Variants in ALOX5 observed in about 807,000 individuals in gnomAD.
The protein encoded by ALOX5 is polyunsaturated fatty acid 5-lipoxygenase.
In ALOX5, 64 loss-of-function variants were observed where a neutral mutation model predicts 87.9. The observed-to-expected ratio is 0.73, with a 90% CI of 0.60 to 0.90. The LOEUF (loss-of-function observed/expected upper bound fraction) is 0.90, where lower values mean the gene tolerates loss of function less well. Among genes scored for constraint, ALOX5 ranks in the 40% least tolerant of loss-of-function variants. ALOX5 has a pLI of 0.00. For missense variants in ALOX5, 822 were observed against 907.5 expected, an observed-to-expected ratio of 0.91 and a Z score of 1.21; for synonymous variants, 388 against 355.1, an observed-to-expected ratio of 1.09 and a Z score of -1.04.
intron 2 of ALOX5, among the ~76,000 whole-genome samples, chr10:45,394,550 G>A (rs1419302192): frequency 6.6e-6 from 1 of 152,166 alleles, no homozygotes; most frequent in African/African-American, 2.4e-5. Context: ...CATGGGCAAG[G>A]ACTTCATGTC....
At chr10:45,376,351 T>TGGGGGGGGGGGGGGGGGGGGGGGG (rs1839613765) in intron 1 of ALOX5, among the ~76,000 whole-genome samples, 1 of 81,240 alleles carries the variant, frequency 1.2e-5, no homozygotes. Flanking sequence ...TGGTTGGGGG[T>TGGGGGGGGGGGGGGGGGGGGGGGG]GGGGGCTACC....
intron 2 of ALOX5, 31 bp downstream of exon 2, chr10:45,382,712 C>G: frequency 6.3e-7 from 1 of 1,593,812 alleles, no homozygotes; most frequent in Non-Finnish European, 8.5e-7. Flanking sequence ...CTGCCCCGGG[C>G]TTCCCAAGAA....
intron 3 of ALOX5, among the ~76,000 whole-genome samples, chr10:45,405,739 CTTT>C (rs11463810): frequency 7.9e-5 from 11 of 139,364 alleles, no homozygotes; most frequent in Non-Finnish European, 6.2e-5. Flanking sequence ...ATTCATCTAC[CTTT>C]TTTTTTTTTT....
In ALOX5 at chr10:45,382,493, A is replaced by T; in HGVS notation, c.161A>T (p.Tyr54Phe). 6.2e-7 allele frequency: 1 copy of T among 1,614,166 alleles called. No homozygotes were observed. The highest frequency in any genetic ancestry group is 8.5e-7 in the Non-Finnish European group (1 of 1,180,028). ...TGTTCTCCTTCCCAGGTGGATTCAT[A>T]CGACGTGACTGTGGACGAGGAACTG... ...NDFERGAVDS[Y>F]DVTVDEELGE... The change falls in exon 2 of 14, where the codon TAC becomes TTC. Residue 54 changes from tyrosine to phenylalanine, a missense_variant. By Grantham distance (22) the Tyr-to-Phe change is conservative. Transcript: ENST00000374391.
chr10:45,441,589 C>T (rs185051896), intron 9 of ALOX5, 159 bp downstream of exon 9: 7 of 666,788 alleles, frequency 1.0e-5, no homozygotes, highest in Middle Eastern at 6.1e-4. Flanking sequence ...GTCTCCAGCC[C>T]GTGCCATTCA....
chr10:45,412,118 G>A (rs1841084884), intron 3 of ALOX5, 73 bp from the exon 4 acceptor site: 1 of 1,592,382 alleles, frequency 6.3e-7, no homozygotes, highest in Admixed American at 1.7e-5. Context: ...CTGACAGTGT[G>A]GGCGGCCCTC....
chr10:45,381,381 CTTA>C lies in ALOX5; in HGVS notation c.151-1097_151-1095del, dbSNP rs533567072. Among the ~76,000 whole-genome samples the C allele has an allele frequency of 3.0e-3, 454 of 152,356 alleles. 2 individuals are homozygous for C. The highest frequency in any genetic ancestry group is 5.0e-3 in the Non-Finnish European group (341 of 68,026). ...ATCTAAGCCTCACCATTTTCACTCACTTATTATCCCCACTGAAAACTGGAAAGA... is the reference window on the plus strand; with the variant it reads ...ATCTAAGCCTCACCATTTTCACTCACTTATCCCCACTGAAAACTGGAAAGA... On this transcript the variant is annotated intron_variant, in intron 1 of 13. Coordinates refer to ENST00000374391, the MANE Select transcript of ALOX5 (RefSeq NM_000698.5).
intron 1 of ALOX5, 23 bp downstream of exon 1, chr10:45,374,452 T>TGGGGCGCGGGC (rs1389764780): frequency 6.6e-7 from 1 of 1,519,354 alleles, no homozygotes; most frequent in African/African-American, 1.5e-5. Flanking sequence ...GGGGCACGGG[T>TGGGGCGCGGGC]GGAGCGCGGG....
intron 3 of ALOX5, among the ~76,000 whole-genome samples, chr10:45,396,252 T>C (rs17444064): frequency 0.12 from 17,901 of 152,258 alleles, 1,480 homozygotes; most frequent in Non-Finnish European, 0.17. Flanking sequence ...TGTCTTCTTA[T>C]AACAATTCAA....
intron 2 of ALOX5, among the ~76,000 whole-genome samples, chr10:45,393,654 A>T (rs1013828979): frequency 1.4e-4 from 22 of 152,222 alleles, no homozygotes; most frequent in African/African-American, 5.3e-4. Flanking sequence ...GGAAAAGAGG[A>T]AGTCAAATTG....
intron 7 of ALOX5, among the ~76,000 whole-genome samples, chr10:45,431,297 T>C (rs1196807224): frequency 1.3e-5 from 2 of 152,176 alleles, no homozygotes; most frequent in African/African-American, 4.8e-5. Context: ...AACATTATTT[T>C]AGAGGTCATA....
rs140758891 is a variant in ALOX5 at position 45,425,038 on chromosome 10, G to C, written c.740G>C (p.Arg247Pro). 3 of 1,613,516 alleles carry C rather than the reference G, an allele frequency of 1.9e-6. No homozygotes were observed. Among genetic ancestry groups the C allele is most frequent in the East Asian group, 2.2e-5 (1 of 44,846 alleles). ...FLNGCNPVLI[R>P]RCTELPEKLP... The stretch of plus-strand genomic sequence containing the variant: ...AATGGCTGCAACCCTGTGTTGATCC[G>C]GCGCTGCACAGAGCTGCCCGAGAAG... Residue 247 changes from arginine to proline, a missense_variant, in exon 6 of 14, where the codon CGG becomes CCG. Arg to Pro is a moderately radical substitution (Grantham distance 103, BLOSUM62 -2). Transcript: ENST00000374391. This position sits in a 1 kb window ranked among gnomAD's most constrained non-coding sequence, Gnocchi z 4.4.
At chr10:45,426,854 G>A (rs140254404) in intron 6 of ALOX5, among the ~76,000 whole-genome samples, 9 of 152,178 alleles carry the variant, frequency 5.9e-5, no homozygotes, top group South Asian at 2.1e-4. Context: ...AATGATCACC[G>A]GCAGCTTCAG....
intron 6 of ALOX5, among the ~76,000 whole-genome samples, chr10:45,427,572 G>A (rs1044373832): frequency 6.6e-6 from 1 of 152,226 alleles, no homozygotes; most frequent in Non-Finnish European, 1.5e-5. Flanking sequence ...GCGCGGGCGC[G>A]GTCGGTGGAG....
chr10:45,410,993 A>G (rs1486366497), intron 3 of ALOX5, among the ~76,000 whole-genome samples: 2 of 152,244 alleles, frequency 1.3e-5, no homozygotes, highest in Non-Finnish European at 2.9e-5. Context: ...CTTCGTGATC[A>G]TGTGCTAAAC....
rs760412917 is a variant in ALOX5, at chr10:45,441,410, G to A, written c.1252G>A (p.Glu418Lys). The change falls in exon 9 of 14, where the codon GAG (glutamate) becomes AAG (lysine). Residue 418 changes from glutamate to lysine, a missense_variant. Transcript: ENST00000374391. ...CAAGGCCCGTGAGCAGCTCATCTGC[G>A]AGTGTGGCCTCTTTGACAAGGTGGG... ...NTKAREQLICECGLFDKANAT... is the reference protein window; with the variant it reads ...NTKAREQLICKCGLFDKANAT... 17 of 1,613,388 alleles carry A rather than the reference G, an allele frequency of 1.1e-5. No individual in the cohort carries two copies. Among genetic ancestry groups the A allele is most frequent in the East Asian group, 2.2e-5 (1 of 44,854 alleles).
intron 2 of ALOX5, among the ~76,000 whole-genome samples, chr10:45,385,556 T>C (rs750959968): frequency 3.3e-5 from 5 of 152,230 alleles, no homozygotes; most frequent in African/African-American, 9.7e-5. Flanking sequence ...TACTGACTTA[T>C]TCATACCAGT....
chr10:45,399,440 A>G (rs570024491), intron 3 of ALOX5, among the ~76,000 whole-genome samples: 1 of 152,372 alleles, frequency 6.6e-6, no homozygotes, highest in South Asian at 2.1e-4. Flanking sequence ...GATAAATTTT[A>G]CAGTATGTGC....
rs1055561499 is a variant in ALOX5 at position 45,382,680 on chromosome 10, C to T, written c.348C>T (p.Arg116=). 54 of 1,611,254 alleles carry T rather than the reference C, an allele frequency of 3.4e-5. No homozygotes were observed. Among genetic ancestry groups the T allele is most frequent in the Non-Finnish European group, 4.2e-5 (50 of 1,178,750 alleles). Residue 116 remains arginine, a splice_region_variant and synonymous_variant, in exon 2 of 14, where the codon CGC becomes CGT. Coordinates refer to ENST00000374391, the MANE Select transcript of ALOX5 (RefSeq NM_000698.5). ...GDVEVVLRDG[R]AKLARDDQIH... ...TCGAGGTTGTCCTGAGGGATGGACG[C>T]GGTGAGCAGCTCAGGCCCCTTCTGC...
Sources: gnomAD v4.1 joint callset for allele counts (sites outside exome capture counted in the v4.1 genomes callset) on GRCh38, gnomAD v4.1.1 for gene constraint, Gnocchi (gnomAD v3.1) non-coding constraint, MANE v1.5 for transcripts, NCBI Gene and HGNC (gene_info 2026-07-23, HGNC 2026-07-21) for gene names.